The following KCNN2 variants were observed in gnomAD, a reference collection of about 807,000 sequenced individuals.
KCNN2 encodes small conductance calcium-activated potassium channel protein 2.
KCNN2 carries 24 observed loss-of-function variants against 55.5 expected under a neutral mutation model. The observed-to-expected ratio is 0.43, with a 90% confidence interval of 0.31 to 0.61. The LOEUF (loss-of-function observed/expected upper bound fraction) is 0.61. Ranked by LOEUF, KCNN2 falls within the 20% of genes least tolerant of loss-of-function variation. The pLI, the probability that KCNN2 is intolerant of heterozygous loss-of-function variation, is 0.08. For missense variants in KCNN2, 754 were observed against 853.6 expected, an observed-to-expected ratio of 0.88 and a Z score of 1.45; for synonymous variants, 431 against 336.1, an observed-to-expected ratio of 1.28 and a Z score of -3.09.
intron 3 of KCNN2, among the ~76,000 whole-genome samples, chr5:114,445,533 A>G (rs563426174): frequency 6.6e-6 from 1 of 152,328 alleles, no homozygotes; most frequent in Admixed American, 6.5e-5. Flanking sequence ...TTTTAAAACT[A>G]TTTCTATGTA....
At chr5:114,184,737 C>G (rs1211273580) in intron 1 of KCNN2, among the ~76,000 whole-genome samples, 1 of 152,136 alleles carries the variant, frequency 6.6e-6, no homozygotes, top group African/African-American at 2.4e-5. Flanking sequence ...ACTCTCCTGC[C>G]ACAATGTAGG....
intron 1 of KCNN2, among the ~76,000 whole-genome samples, chr5:114,202,581 A>ATTTT (rs1184272820): frequency 1.4e-5 from 1 of 69,464 alleles, no homozygotes; most frequent in African/African-American, 6.0e-5. Flanking sequence ...ATATATATAT[A>ATTTT]TATATTTTTT....
At chr5:114,229,873 C>T (rs1233901813) in intron 2 of KCNN2, among the ~76,000 whole-genome samples, 9 of 152,030 alleles carry the variant, frequency 5.9e-5, no homozygotes, top group Non-Finnish European at 1.0e-4. Context: ...GAAGGAGAGG[C>T]TGAAACAGAA....
intron 1 of KCNN2, among the ~76,000 whole-genome samples, chr5:114,191,978 A>C (rs1209692560): frequency 6.6e-6 from 1 of 152,166 alleles, no homozygotes; most frequent in East Asian, 1.9e-4. Flanking sequence ...AAGTTCACAG[A>C]GACTAATGAG....
At position 114,447,605 on chromosome 5, in the gene KCNN2, G is replaced by A. The variant is rs80192374; in HGVS notation, c.1638-15444G>A. 8.5e-4 allele frequency among the ~76,000 whole-genome samples: 130 copies of A among 152,286 alleles called. 1 individual carries two copies. The highest frequency in any genetic ancestry group is 5.4e-3 in the East Asian group (28 of 5,180). ...TTTGGTTAACTGCAAAACAGTCAAA[G>A]TGCAGAGGCTATTCTCTCTCCAAGC... On this transcript the variant is annotated intron_variant, in intron 3 of 7. Transcript: ENST00000673685.
intron 2 of KCNN2, among the ~76,000 whole-genome samples, chr5:114,371,804 C>T (rs1757765775): frequency 6.6e-6 from 1 of 152,106 alleles, no homozygotes; most frequent in African/African-American, 2.4e-5. Context: ...GTTGAATTTC[C>T]TCTTCAAATG....
intron 2 of KCNN2, among the ~76,000 whole-genome samples, chr5:114,235,909 C>T (rs1754480921): frequency 6.6e-6 from 1 of 152,154 alleles, no homozygotes; most frequent in Admixed American, 6.5e-5. Flanking sequence ...CTGAAGATTA[C>T]TCAGCTGGTT....
chr5:114,168,579 T>C (rs1308220906), intron 1 of KCNN2, among the ~76,000 whole-genome samples: 2 of 152,036 alleles, frequency 1.3e-5, no homozygotes, highest in Admixed American at 1.3e-4. Context: ...AAAATATTTA[T>C]AGTTTTTATT....
At chr5:114,284,958 CTG>C (rs1030101925) in intron 2 of KCNN2, among the ~76,000 whole-genome samples, 1 of 151,928 alleles carries the variant, frequency 6.6e-6, no homozygotes, top group Non-Finnish European at 1.5e-5. Context: ...GCTACCCAGT[CTG>C]TAGGATTTTG....
chr5:114,273,695 G>C (rs1280573845), intron 2 of KCNN2, among the ~76,000 whole-genome samples: 1 of 152,032 alleles, frequency 6.6e-6, no homozygotes, highest in Non-Finnish European at 1.5e-5. Context: ...TTTTGGATGG[G>C]GTTGTTTTTT....
intron 1 of KCNN2, among the ~76,000 whole-genome samples, chr5:114,221,078 A>G (rs75781979): frequency 0.019 from 2,916 of 152,322 alleles, 86 homozygotes; most frequent in African/African-American, 0.066. Context: ...ACTATCCTAT[A>G]TGACACGTTT....
chr5:114,408,304 T>C (rs1759005651), intron 3 of KCNN2, among the ~76,000 whole-genome samples: 1 of 152,078 alleles, frequency 6.6e-6, no homozygotes, highest in South Asian at 2.1e-4. Context: ...TTTATAATCA[T>C]TTTAAGGTTG....
At chr5:114,451,822 G>A (rs1050755772) in intron 3 of KCNN2, among the ~76,000 whole-genome samples, 10 of 151,640 alleles carry the variant, frequency 6.6e-5, no homozygotes, top group Admixed American at 2.6e-4. Flanking sequence ...GCGTGAACCC[G>A]GGTGGCGGAG....
At chr5:114,435,575 A>T (rs1350086106) in intron 3 of KCNN2, among the ~76,000 whole-genome samples, 1 of 152,136 alleles carries the variant, frequency 6.6e-6, no homozygotes, top group Admixed American at 6.5e-5. Flanking sequence ...TAGTTTGATC[A>T]AAGAGCCAAA....
intron 1 of KCNN2, among the ~76,000 whole-genome samples, chr5:114,126,807 A>C (rs1417960789): frequency 6.6e-6 from 1 of 152,222 alleles, no homozygotes; most frequent in East Asian, 1.9e-4. Context: ...CTGTAAAATC[A>C]AAAGCAAGTT....
chr5:114,484,520 T>TTA (rs1474582858), intron 5 of KCNN2, among the ~76,000 whole-genome samples: 4 of 152,178 alleles, frequency 2.6e-5, no homozygotes, highest in Admixed American at 2.0e-4. Context: ...TCCTGGAAGT[T>TTA]TACATATCAC....
chr5:114,473,170 TTAC>T lies in KCNN2; in HGVS notation c.1890+9_1890+11del. The T allele has an allele frequency of 4.7e-6, 7 of 1,487,424 alleles. No homozygotes were observed. The highest frequency in any genetic ancestry group is 6.6e-6 in the Non-Finnish European group (7 of 1,068,266). 92.1% of individuals were successfully genotyped at this position (1,487,424 alleles called of 1,614,324 possible). A position where few individuals can be genotyped will look rare whatever the true frequency, so the allele number is the denominator to read the frequency against. Reference sequence around the variant, plus strand: ...ATACTCAGCTGACTAAAAGAGTAAGTTACTATCCATATATCTTCAAAGAGAATA... The same window carrying T: ...ATACTCAGCTGACTAAAAGAGTAAGTTATCCATATATCTTCAAAGAGAATA... On this transcript the variant is annotated splice_region_variant and intron_variant, in intron 5 of 7. Coordinates refer to ENST00000673685, the MANE Select transcript of KCNN2 (RefSeq NM_021614.4).
At chr5:114,359,816 T>G (rs1367878295), upstream of KCNN2, among the ~76,000 whole-genome samples, 1 of 152,266 alleles carries the variant, frequency 6.6e-6, no homozygotes, top group Non-Finnish European at 1.5e-5. Context: ...AATACATGTT[T>G]GATGGATTTT....
intron 1 of KCNN2, among the ~76,000 whole-genome samples, chr5:114,182,291 A>G (rs1419398789): frequency 6.6e-6 from 1 of 151,966 alleles, no homozygotes; most frequent in Non-Finnish European, 1.5e-5. Flanking sequence ...TTATTACTCT[A>G]GCTTTATAGT....
Sources: allele counts gnomAD v4.1 joint callset (sites outside exome capture counted in the v4.1 genomes callset), GRCh38; gene constraint gnomAD v4.1.1; transcripts MANE v1.5; gene names NCBI Gene and HGNC (gene_info 2026-07-23, HGNC 2026-07-21).